The following SCN2A variants were observed in gnomAD, a reference collection of about 807,000 sequenced individuals.
SCN2A encodes sodium channel protein type 2 subunit alpha.
A neutral mutation model predicts 188.7 loss-of-function variants in SCN2A; 20 were observed. The ratio of observed to expected loss-of-function variants is 0.11; its 90% confidence interval spans 0.07 to 0.15. The LOEUF (loss-of-function observed/expected upper bound fraction) is 0.15. Ranked by LOEUF, SCN2A falls within the 10% of genes least tolerant of loss-of-function variation. The pLI, the probability that SCN2A is intolerant of heterozygous loss-of-function variation, is 1.00. For missense variants in SCN2A, 1,278 were observed against 2,445.0 expected (o/e 0.52, Z 10.07); for synonymous variants, 804 against 833.1 (o/e 0.97, Z 0.60).
intron 14 of SCN2A, among the ~76,000 whole-genome samples, chr2:165,336,251 G>A (rs937159213): frequency 6.6e-5 from 10 of 151,566 alleles, no homozygotes; most frequent in African/African-American, 1.2e-4. Flanking sequence ...TAATTTCTTC[G>A]GATATATATA....
In SCN2A at chr2:165,304,104, G is replaced by GTA. The variant is rs201425902; in HGVS notation, c.387-3736_387-3735dup. ...ATGTAGAAACTTGTGTAAACAATAT[G>GTA]TATATATATTTTAGACAGAGTCTCA... On this transcript the variant is annotated intron_variant, in intron 3 of 26. Transcript: ENST00000375437. 7.8e-3 allele frequency among the ~76,000 whole-genome samples: 1,182 copies of GTA among 152,020 alleles called. 13 individuals carry two copies. Among genetic ancestry groups the GTA allele is most frequent in the African/African-American group, 0.028 (1,142 of 41,448 alleles).
Position 165,350,464 on chromosome 2 carries a change from C to CTTTTTTTTTTTTTTTT in SCN2A, c.2920-3717_2920-3702dup, listed in dbSNP as rs71028479. On this transcript the variant is annotated intron_variant, in intron 16 of 26. Transcript: ENST00000375437. ...GTGAGCTTGCTGAACTGTTTTCTTT[C>CTTTTTTTTTTTTTTTT]TTTTTTTTTTTTTTTTTTTTTTTTT... 2.8e-4 allele frequency among the ~76,000 whole-genome samples: 21 copies of CTTTTTTTTTTTTTTTT among 73,840 alleles called. 1 individual carries two copies. Among genetic ancestry groups the CTTTTTTTTTTTTTTTT allele is most frequent in the African/African-American group, 6.1e-4 (10 of 16,284 alleles). The allele number at this position is 73,840 out of a possible 152,430, so 48.4% of individuals were successfully genotyped here.
intron 19 of SCN2A, among the ~76,000 whole-genome samples, chr2:165,369,579 G>T (rs1700915890): frequency 6.6e-6 from 1 of 152,126 alleles, no homozygotes; most frequent in Non-Finnish European, 1.5e-5. Context: ...AGCCTCAGGA[G>T]TTCCTGCAAA....
chr2:165,277,885 A>T (rs1017244481), intron 1 of SCN2A, among the ~76,000 whole-genome samples: 44 of 152,312 alleles, frequency 2.9e-4, no homozygotes, highest in African/African-American at 1.0e-3. Flanking sequence ...CTTTTAATGA[A>T]TATCTACTTT....
intron 20 of SCN2A, chr2:165,372,322 A>G (rs1701080190): frequency 6.6e-6 from 1 of 152,128 alleles, no homozygotes; most frequent in African/African-American, 2.4e-5. Flanking sequence ...TGTTTTTTGT[A>G]ACAACTTTCA....
chr2:165,240,600 T>C lies in SCN2A; in HGVS notation c.-52+960T>C, dbSNP rs374753129. ...ATTTAAAGAGATTTTACAAATATTT[T>C]AAAAATAGTTTTGTAAGATTGTTTT... On this transcript the variant is annotated intron_variant, in intron 1 of 26. Transcript: ENST00000375437. Among the ~76,000 whole-genome samples the C allele has an allele frequency of 3.9e-4, 59 of 152,166 alleles. No homozygotes were observed. In the East Asian group the frequency reaches 4.4e-3, roughly 11 times the overall value.
Position 165,321,041 on chromosome 2 carries a change from A to C in SCN2A, c.1672-2115A>C, listed in dbSNP as rs147880903. On this transcript the variant is annotated intron_variant, in intron 11 of 26. Transcript: ENST00000375437. ...ATGTTCTGCTTCCCTTATGAAACTGAATACCTTTAGCAGTACCTAAGTCAC... is the reference window on the plus strand; with the variant it reads ...ATGTTCTGCTTCCCTTATGAAACTGCATACCTTTAGCAGTACCTAAGTCAC... 8.3e-4 allele frequency among the ~76,000 whole-genome samples: 126 copies of C among 152,270 alleles called. 1 individual carries two copies. The highest frequency in any genetic ancestry group is 1.3e-3 in the Non-Finnish European group (90 of 68,012).
At chr2:165,241,636 C>A (rs573134513) in intron 1 of SCN2A, among the ~76,000 whole-genome samples, 53 of 152,276 alleles carry the variant, frequency 3.5e-4, no homozygotes, top group African/African-American at 1.1e-3. Context: ...AAGGAGTTTA[C>A]CTCAGGGAGG....
At chr2:165,250,066 A>G (rs1574435102) in intron 1 of SCN2A, among the ~76,000 whole-genome samples, 1 of 151,968 alleles carries the variant, frequency 6.6e-6, no homozygotes, top group East Asian at 1.9e-4. Flanking sequence ...ACCTATCTCT[A>G]CACTTGTAAT....
rs1461649388 is a variant in SCN2A at position 165,386,609 on chromosome 2, T to C, written c.4552-137T>C. 4 of 938,232 alleles carry C rather than the reference T, an allele frequency of 4.3e-6. No homozygotes were observed. The South Asian group carries it at 5.4e-5, about 13-fold the overall frequency. The allele number at this position is 938,232 out of a possible 1,614,324, so 58.1% of individuals were successfully genotyped here. A position where few individuals can be genotyped will look rare whatever the true frequency, so the allele number is the denominator to read the frequency against. On this transcript the variant is annotated intron_variant, in intron 25 of 26. Transcript: ENST00000375437. ...TCACTGGTTTTGCAAGGAATTTTTTTTTTTGTAAAATGTTGTGAGGATTAA... is the reference window on the plus strand; with the variant it reads ...TCACTGGTTTTGCAAGGAATTTTTTCTTTTGTAAAATGTTGTGAGGATTAA...
chr2:165,382,750 T>C (rs1241389740), intron 25 of SCN2A, among the ~76,000 whole-genome samples: 5 of 152,244 alleles, frequency 3.3e-5, no homozygotes, highest in Admixed American at 2.0e-4. Context: ...GGAAAAATAG[T>C]GTTAGAGCCT....
intron 15 of SCN2A, among the ~76,000 whole-genome samples, chr2:165,342,897 G>A (rs1325479289): frequency 1.3e-5 from 2 of 151,734 alleles, no homozygotes; most frequent in Non-Finnish European, 2.9e-5. Flanking sequence ...AGAGGAAAGA[G>A]TTAAGACAGG....
chr2:165,313,868 T>C (rs1424612921), intron 9 of SCN2A, 34 bp from the exon 10 acceptor site: 14 of 1,612,390 alleles, frequency 8.7e-6, no homozygotes, highest in Non-Finnish European at 1.1e-5. Flanking sequence ...ACATCCTATA[T>C]AAAATTTATT....
chr2:165,255,650 TC>T (rs1472892737), intron 1 of SCN2A, among the ~76,000 whole-genome samples: 1 of 152,172 alleles, frequency 6.6e-6, no homozygotes, highest in Non-Finnish European at 1.5e-5. Context: ...TATTACCATT[TC>T]TTCTAGCATC....
intron 1 of SCN2A, among the ~76,000 whole-genome samples, chr2:165,265,700 C>A (rs1447977260): frequency 2.0e-5 from 3 of 150,598 alleles, no homozygotes; most frequent in African/African-American, 7.3e-5. Flanking sequence ...TTGCCTGAAA[C>A]AACACAGTAT....
At chr2:165,303,270 G>GA in intron 3 of SCN2A, among the ~76,000 whole-genome samples, 1 of 91,314 alleles carries the variant, frequency 1.1e-5, no homozygotes, top group Non-Finnish European at 2.1e-5. Flanking sequence ...TGTTATTTGA[G>GA]TTTTTTTTTT....
intron 13 of SCN2A, 55 bp downstream of exon 13, chr2:165,327,039 ACACTT>A: frequency 6.3e-7 from 1 of 1,597,424 alleles, no homozygotes; most frequent in Non-Finnish European, 8.6e-7. Flanking sequence ...TGATGAAAAA[ACACTT>A]CATAAATTTC....
At chr2:165,362,948 A>C (rs1310376674) in intron 17 of SCN2A, among the ~76,000 whole-genome samples, 1 of 152,138 alleles carries the variant, frequency 6.6e-6, no homozygotes, top group Non-Finnish European at 1.5e-5. Context: ...CAAAATAGAC[A>C]GTGAAGAAAG....
chr2:165,322,001 A>C (rs751595284), intron 11 of SCN2A, among the ~76,000 whole-genome samples: 17 of 152,228 alleles, frequency 1.1e-4, no homozygotes, highest in Non-Finnish European at 2.4e-4. Context: ...GAAGTAAAAA[A>C]GAGAATGTAT....
Sources: gnomAD v4.1 joint callset for allele counts (sites outside exome capture counted in the v4.1 genomes callset) on GRCh38, gnomAD v4.1.1 for gene constraint, MANE v1.5 for transcripts, NCBI Gene and HGNC (gene_info 2026-07-23, HGNC 2026-07-21) for gene names.